CACNA2D1: variants seen among roughly 807,000 people sequenced by gnomAD.
CACNA2D1 encodes calcium voltage-gated channel auxiliary subunit alpha2delta 1.
In CACNA2D1, 53 loss-of-function variants were observed where a neutral mutation model predicts 171.5. The observed-to-expected ratio is 0.31, with a 90% confidence interval of 0.25 to 0.39. The LOEUF (loss-of-function observed/expected upper bound fraction) is 0.39, where lower values mean the gene tolerates loss of function less well. CACNA2D1 is among the 10% of genes least tolerant of loss of function. The probability of loss-of-function intolerance (pLI) is 1.00; values close to 1 mark genes in which losing one functional copy is unlikely to be tolerated. For synonymous variants in CACNA2D1, 442 were observed against 443.1 expected (o/e 1.00, Z 0.03); for missense variants, 903 against 1,299.8 (o/e 0.69, Z 4.69).
chr7:82,399,045 T>C (rs964673340), intron 1 of CACNA2D1, among the ~76,000 whole-genome samples: 1 of 152,106 alleles, frequency 6.6e-6, no homozygotes, highest in Non-Finnish European at 1.5e-5. Flanking sequence ...CAATTCAAAG[T>C]AGATCAACAC....
chr7:82,179,724 C>A (rs964059423), intron 3 of CACNA2D1, among the ~76,000 whole-genome samples: 3 of 152,082 alleles, frequency 2.0e-5, no homozygotes, highest in Non-Finnish European at 4.4e-5. Flanking sequence ...ACTTTTACCA[C>A]AATTTCTCAA....
rs1159615115 is a variant in CACNA2D1, at chr7:81,947,640, AGT to A, written c.*2750_*2751del. On this transcript the variant is annotated 3_prime_UTR_variant, in exon 39 of 39. Coordinates refer to ENST00000356860, the MANE Select transcript of CACNA2D1 (RefSeq NM_000722.4). ...AAGCCACATGAGTATAACAAAAATTAGTTAAAGCAGTGTATAAACTTTTTTAT... is the reference window on the plus strand; with the variant it reads ...AAGCCACATGAGTATAACAAAAATTATAAAGCAGTGTATAAACTTTTTTAT... 3.3e-5 allele frequency: 5 copies of A among 152,008 alleles called. No individual in the cohort carries two copies. The highest frequency in any genetic ancestry group is 5.9e-5 in the Non-Finnish European group (4 of 67,892). 9.4% of individuals were successfully genotyped at this position (152,008 alleles called of 1,614,324 possible).
intron 3 of CACNA2D1, among the ~76,000 whole-genome samples, chr7:82,289,589 T>C (rs1392427656): frequency 2.0e-5 from 3 of 152,204 alleles, no homozygotes; most frequent in Non-Finnish European, 1.5e-5. Context: ...AAATTAAATA[T>C]GACTCTCACT....
intron 6 of CACNA2D1, among the ~76,000 whole-genome samples, chr7:82,102,577 A>AC (rs1233465375): frequency 4.6e-5 from 7 of 152,110 alleles, no homozygotes; most frequent in Non-Finnish European, 7.4e-5. Context: ...TCATCCTACA[A>AC]CCCACTGCTT....
At chr7:82,189,255 C>A (rs1300381802) in intron 3 of CACNA2D1, among the ~76,000 whole-genome samples, 1 of 151,942 alleles carries the variant, frequency 6.6e-6, no homozygotes, top group African/African-American at 2.4e-5. Context: ...GTATTCCATT[C>A]TTCTTCAAAG....
intron 3 of CACNA2D1, among the ~76,000 whole-genome samples, chr7:82,172,402 G>C (rs1251246948): frequency 6.6e-6 from 1 of 151,778 alleles, no homozygotes; most frequent in Non-Finnish European, 1.5e-5. Flanking sequence ...CTTCAGTATG[G>C]GAAGATAAGG....
intron 3 of CACNA2D1, among the ~76,000 whole-genome samples, chr7:82,295,066 G>T (rs1812092852): frequency 1.3e-5 from 2 of 152,138 alleles, no homozygotes; most frequent in African/African-American, 4.8e-5. Flanking sequence ...TTCAGGAAAG[G>T]AAGTGAAACT....
chr7:82,165,848 A>AAG (rs1176857492), intron 4 of CACNA2D1, among the ~76,000 whole-genome samples: 5 of 152,032 alleles, frequency 3.3e-5, no homozygotes, highest in African/African-American at 1.2e-4. Flanking sequence ...GAAACTAAGA[A>AAG]AGACTAAATA....
intron 37 of CACNA2D1, 61 bp downstream of exon 37, chr7:81,959,659 C>G (rs80212115): frequency 1.3e-6 from 2 of 1,509,176 alleles, no homozygotes; most frequent in African/African-American, 2.7e-5. Flanking sequence ...AACAATGTGA[C>G]AAGATTCAAA....
At chr7:82,440,837 AACT>A (rs1182390822) in intron 1 of CACNA2D1, among the ~76,000 whole-genome samples, 2 of 151,916 alleles carry the variant, frequency 1.3e-5, no homozygotes, top group African/African-American at 2.4e-5. Flanking sequence ...AAAAACTTTG[AACT>A]ACTAATTCTA....
chr7:82,297,072 CAAAAAAAA>C (rs57473351), intron 3 of CACNA2D1, among the ~76,000 whole-genome samples: 63 of 72,222 alleles, frequency 8.7e-4, no homozygotes, highest in Admixed American at 1.3e-3. Flanking sequence ...CTGTGTCTAC[CAAAAAAAA>C]AAAAAAAAAA....
intron 3 of CACNA2D1, among the ~76,000 whole-genome samples, chr7:82,301,951 G>C (rs1466960963): frequency 1.3e-5 from 2 of 151,890 alleles, no homozygotes; most frequent in Non-Finnish European, 2.9e-5. Context: ...GTAGAGATGG[G>C]GTTTCACCAT....
intron 3 of CACNA2D1, among the ~76,000 whole-genome samples, chr7:82,334,055 A>C (rs928481235): frequency 6.6e-6 from 1 of 152,182 alleles, no homozygotes; most frequent in Non-Finnish European, 1.5e-5. Flanking sequence ...TTAAATGTAC[A>C]AAAAAATTTC....
intron 3 of CACNA2D1, among the ~76,000 whole-genome samples, chr7:82,254,229 T>C (rs936731440): frequency 1.3e-5 from 2 of 151,790 alleles, no homozygotes; most frequent in Non-Finnish European, 2.9e-5. Context: ...TCAGCATAAA[T>C]CCTGTGTTTT....
chr7:81,997,789 T>C (rs1423232320), intron 18 of CACNA2D1, among the ~76,000 whole-genome samples: 4 of 151,972 alleles, frequency 2.6e-5, no homozygotes, highest in African/African-American at 9.7e-5. Context: ...GTTTGCTTCA[T>C]ATATTTCAAT....
chr7:82,066,378 TA>T, intron 8 of CACNA2D1, 76 bp downstream of exon 8: 2 of 1,556,510 alleles, frequency 1.3e-6, no homozygotes, highest in Non-Finnish European at 1.7e-6. Flanking sequence ...ATCCTAATAA[TA>T]AAAAATTCTG....
rs1031655385 is a variant in CACNA2D1 at position 81,946,889 on chromosome 7, A to G, written c.*3503T>C. Reference sequence around the variant, plus strand: ...TGGAATTTTTTTCAACACTCAAAACATTATATTGGTTTGCTCTTTACAGAA... The same window carrying G: ...TGGAATTTTTTTCAACACTCAAAACGTTATATTGGTTTGCTCTTTACAGAA... On this transcript the variant is annotated 3_prime_UTR_variant, in exon 39 of 39. Coordinates refer to ENST00000356860, the MANE Select transcript of CACNA2D1 (RefSeq NM_000722.4). The G allele has an allele frequency of 2.6e-5, 4 of 152,064 alleles. No individual in the cohort carries two copies. The highest frequency in any genetic ancestry group is 9.7e-5 in the African/African-American group (4 of 41,422). 9.4% of individuals were successfully genotyped at this position (152,064 alleles called of 1,614,324 possible).
At chr7:82,204,495 T>C (rs1799812418) in intron 3 of CACNA2D1, among the ~76,000 whole-genome samples, 1 of 152,152 alleles carries the variant, frequency 6.6e-6, no homozygotes, top group South Asian at 2.1e-4. Flanking sequence ...GCTTAATGTA[T>C]GAAGCAACAT....
At chr7:82,103,357 T>C (rs1356104174) in intron 6 of CACNA2D1, among the ~76,000 whole-genome samples, 1 of 152,146 alleles carries the variant, frequency 6.6e-6, no homozygotes, top group Non-Finnish European at 1.5e-5. Flanking sequence ...GAATTACCCA[T>C]GTTGTTCTAA....
Sources: gnomAD v4.1 joint callset for allele counts (sites outside exome capture counted in the v4.1 genomes callset) on GRCh38, gnomAD v4.1.1 for gene constraint, MANE v1.5 for transcripts, NCBI Gene and HGNC (gene_info 2026-07-23, HGNC 2026-07-21) for gene names.